The following PDE1C variants were observed in gnomAD, a reference collection of about 807,000 sequenced individuals.
PDE1C encodes phosphodiesterase 1C.
Under a neutral mutation model 93.1 loss-of-function variants are expected in PDE1C, and 62 were observed. The ratio of observed to expected loss-of-function variants is 0.67; its 90% CI spans 0.54 to 0.82. The LOEUF is 0.82. Among genes scored for constraint, PDE1C ranks in the 40% least tolerant of loss-of-function variants. The probability of loss-of-function intolerance (pLI) is 0.00; values close to 1 mark genes in which losing one functional copy is unlikely to be tolerated. For missense variants in PDE1C, 742 were observed against 884.6 expected (o/e 0.84, Z 2.04); for synonymous variants, 325 against 310.1 (o/e 1.05, Z -0.50).
At chr7:31,652,716 A>C in the PDE1C span, 10 of 1,613,774 alleles carry the variant, frequency 6.2e-6, no homozygotes, top group East Asian at 2.2e-4. Context: ...CACTCCACCC[A>C]CCTTGGAGAA....
At chr7:31,879,869 T>G (rs1410563098) in intron 3 of PDE1C, among the ~76,000 whole-genome samples, 11 of 151,926 alleles carry the variant, frequency 7.2e-5, no homozygotes, top group Non-Finnish European at 7.4e-5. Context: ...CAACTAAAAA[T>G]CATCAGTAAA....
At chr7:31,737,012 T>C in the PDE1C span, among the ~76,000 whole-genome samples, 1 of 152,130 alleles carries the variant, frequency 6.6e-6, no homozygotes, top group Admixed American at 6.5e-5. Context: ...AGTGCAGTGG[T>C]GTGATCATGG....
At chr7:31,827,281 T>G (rs1306853759) in intron 12 of PDE1C, among the ~76,000 whole-genome samples, 1 of 152,078 alleles carries the variant, frequency 6.6e-6, no homozygotes, top group Non-Finnish European at 1.5e-5. Context: ...TACCCACCCC[T>G]AGCTCACCTC....
chr7:31,998,133 T>C (rs552448712), intron 2 of PDE1C, among the ~76,000 whole-genome samples: 79 of 152,110 alleles, frequency 5.2e-4, no homozygotes, highest in East Asian at 2.5e-3. Context: ...CATTCTCCTG[T>C]CTCAGCCTCC....
At chr7:32,268,623 A>T (rs1810765014) in intron 1 of PDE1C, among the ~76,000 whole-genome samples, 1 of 152,330 alleles carries the variant, frequency 6.6e-6, no homozygotes, top group Admixed American at 6.5e-5. Context: ...CTCAAAGAGA[A>T]AATGAGGGAA....
At chr7:32,339,952 G>A (rs767712520) in intron 1 of PDE1C, among the ~76,000 whole-genome samples, 7 of 152,204 alleles carry the variant, frequency 4.6e-5, no homozygotes, top group Non-Finnish European at 8.8e-5. Context: ...GAAGCTGCCC[G>A]TGAGCAGGTG....
At chr7:32,265,498 G>T (rs1161186906) in intron 1 of PDE1C, among the ~76,000 whole-genome samples, 1 of 152,202 alleles carries the variant, frequency 6.6e-6, no homozygotes, top group African/African-American at 2.4e-5. Flanking sequence ...GACAGGGTTT[G>T]CCTGAGAGTA....
intron 2 of PDE1C, among the ~76,000 whole-genome samples, chr7:31,960,515 A>C (rs1808792781): frequency 6.6e-6 from 1 of 152,356 alleles, no homozygotes; most frequent in South Asian, 2.1e-4. Context: ...TGGAATTTTA[A>C]TACAAACTGT....
At chr7:32,189,930 T>G (rs1804124659) in intron 2 of PDE1C, among the ~76,000 whole-genome samples, 1 of 152,204 alleles carries the variant, frequency 6.6e-6, no homozygotes, top group Non-Finnish European at 1.5e-5. Flanking sequence ...AACTTTTGTA[T>G]CTACTTCTAA....
At chr7:32,253,837 T>A (rs182171461) in intron 1 of PDE1C, among the ~76,000 whole-genome samples, 43 of 152,192 alleles carry the variant, frequency 2.8e-4, no homozygotes, top group Middle Eastern at 6.8e-3. Context: ...AGGACAGAGA[T>A]CAGAGAATTT....
chr7:32,082,558 TCCCTGAC>T (rs1308856250), intron 3 of PDE1C, among the ~76,000 whole-genome samples: 1 of 152,256 alleles, frequency 6.6e-6, no homozygotes, highest in Non-Finnish European at 1.5e-5. Flanking sequence ...CTCAAGTGGG[TCCCTGAC>T]CCCTGACCCC....
chr7:32,134,746 C>T (rs775114954), intron 3 of PDE1C, among the ~76,000 whole-genome samples: 1 of 151,912 alleles, frequency 6.6e-6, no homozygotes, highest in African/African-American at 2.4e-5. Flanking sequence ...CATCACACAC[C>T]AGAGCCTGTC....
At chr7:32,083,890 C>G (rs1250019171) in intron 3 of PDE1C, among the ~76,000 whole-genome samples, 2 of 151,926 alleles carry the variant, frequency 1.3e-5, no homozygotes, top group African/African-American at 4.8e-5. Flanking sequence ...CCAGCTGCTG[C>G]AAAATCATGC....
chr7:32,413,329 G>A (rs1562713398), intron 1 of PDE1C, among the ~76,000 whole-genome samples: 1 of 152,152 alleles, frequency 6.6e-6, no homozygotes, highest in Non-Finnish European at 1.5e-5. Flanking sequence ...TGATAGGAGT[G>A]TTTACTATAA....
At chr7:31,784,447 C>T (rs2128644152) in intron 16 of PDE1C, 1 of 152,124 alleles carries the variant, frequency 6.6e-6, no homozygotes, top group East Asian at 1.9e-4. Flanking sequence ...CCATCTATCC[C>T]CAGCGACCTT....
intron 7 of PDE1C, among the ~76,000 whole-genome samples, chr7:31,853,346 T>C (rs899008383): frequency 6.6e-6 from 1 of 152,176 alleles, no homozygotes; most frequent in Non-Finnish European, 1.5e-5. Context: ...AAAAGTAGTA[T>C]CTGGGAGAAA....
rs148905046 is a variant in PDE1C at position 32,097,047 on chromosome 7, T to C, written c.308+72738A>G. Among the ~76,000 whole-genome samples the C allele has an allele frequency of 4.6e-5, 7 of 152,308 alleles. No individual in the cohort carries two copies. The East Asian group carries it at 1.3e-3, about 29-fold the overall frequency. On this transcript the variant is annotated intron_variant, in intron 3 of 18. Coordinates refer to the PDE1C transcript ENST00000396193. ...AGAAGAGCTAATATTTCCATCCACATCCAGTCCAGAAAAGACCAATGTCCC... is the reference window on the plus strand; with the variant it reads ...AGAAGAGCTAATATTTCCATCCACACCCAGTCCAGAAAAGACCAATGTCCC...
chr7:31,817,025 T>A (rs1788358869), intron 14 of PDE1C, among the ~76,000 whole-genome samples: 1 of 152,202 alleles, frequency 6.6e-6, no homozygotes, highest in Non-Finnish European at 1.5e-5. Context: ...CGTTAAGCAC[T>A]GTTTTAGGTA....
Position 32,398,711 on chromosome 7 carries a change from G to T in PDE1C, c.310+29111C>A, listed in dbSNP as rs145622807. 3.4e-3 allele frequency among the ~76,000 whole-genome samples: 513 copies of T among 152,152 alleles called. 5 individuals are homozygous for T. Among genetic ancestry groups the T allele is most frequent in the African/African-American group, 0.012 (482 of 41,538 alleles). ...GCCAGAACTGTGATCCTAGCTGAGG[G>T]ACAGCCAGCTAATGGTGACCCTACA... is the stretch of plus-strand genomic sequence containing the variant. On this transcript the variant is annotated intron_variant, in intron 1 of 1. Coordinates refer to the PDE1C transcript ENST00000672256.
Sources: allele counts gnomAD v4.1 joint callset (sites outside exome capture counted in the v4.1 genomes callset), GRCh38; gene constraint gnomAD v4.1.1; transcripts MANE v1.5; gene names NCBI Gene and HGNC (gene_info 2026-07-23, HGNC 2026-07-21).